Variants in TRAPPC9 observed in about 807,000 individuals in gnomAD.
TRAPPC9 encodes the protein IKK2 binding protein.
Under a neutral mutation model 124.0 loss-of-function variants are expected in TRAPPC9, and 83 were observed. The observed-to-expected ratio is 0.67, with a 90% confidence interval of 0.56 to 0.80. The LOEUF (loss-of-function observed/expected upper bound fraction) is 0.80, where lower values mean the gene tolerates loss of function less well. Among genes scored for constraint, TRAPPC9 ranks in the 30% least tolerant of loss-of-function variants. The pLI is 0.00. For synonymous variants in TRAPPC9, 638 were observed against 617.5 expected, an observed-to-expected ratio of 1.03 and a Z score of -0.49; for missense variants, 1,302 against 1,508.3, an observed-to-expected ratio of 0.86 and a Z score of 2.27.
intron 19 of TRAPPC9, among the ~76,000 whole-genome samples, chr8:139,937,614 G>A (rs755059693): frequency 6.6e-6 from 1 of 152,104 alleles, no homozygotes; most frequent in Admixed American, 6.5e-5. Flanking sequence ...AGAGACCAGC[G>A]TCGTCCACAC....
At chr8:140,211,993 C>T (rs1341703923) in intron 17 of TRAPPC9, among the ~76,000 whole-genome samples, 1 of 152,250 alleles carries the variant, frequency 6.6e-6, no homozygotes, top group African/African-American at 2.4e-5. Flanking sequence ...GGGTGTGCCA[C>T]TTGCGGAGGA....
chr8:140,026,409 A>C (rs2131939730), intron 17 of TRAPPC9, among the ~76,000 whole-genome samples: 1 of 152,286 alleles, frequency 6.6e-6, no homozygotes, highest in South Asian at 2.1e-4. Context: ...AGAAGCCACC[A>C]TATTGTTTCG....
chr8:140,045,161 G>A (rs1329328261), intron 17 of TRAPPC9, among the ~76,000 whole-genome samples: 1 of 152,166 alleles, frequency 6.6e-6, no homozygotes, highest in African/African-American at 2.4e-5. Flanking sequence ...GAGTCTGAAG[G>A]CCCAAGGTCA....
chr8:140,445,178 C>T (rs753435853), intron 2 of TRAPPC9, among the ~76,000 whole-genome samples: 18 of 152,210 alleles, frequency 1.2e-4, no homozygotes, highest in Non-Finnish European at 2.4e-4. Flanking sequence ...AACAGCCCAC[C>T]GGCTACTCTG....
At chr8:140,443,389 TC>T (rs1467096874) in intron 2 of TRAPPC9, among the ~76,000 whole-genome samples, 1 of 149,796 alleles carries the variant, frequency 6.7e-6, no homozygotes, top group African/African-American at 2.5e-5. Context: ...TGAGCCAAGA[TC>T]GCGCCACTGC....
chr8:140,436,014 A>C (rs1033706185), intron 3 of TRAPPC9, among the ~76,000 whole-genome samples: 11 of 152,230 alleles, frequency 7.2e-5, no homozygotes, highest in African/African-American at 2.4e-5. Context: ...ATTGGAAAAT[A>C]AAACTGAGAA....
At chr8:140,381,667 C>CAAAAAAAA (rs56659960) in intron 7 of TRAPPC9, among the ~76,000 whole-genome samples, 5 of 48,370 alleles carry the variant, frequency 1.0e-4, no homozygotes, top group African/African-American at 2.3e-4. Context: ...GACTCTGTCT[C>CAAAAAAAA]AAAAAAAAAA....
At chr8:140,033,130 C>T (rs141774677) in intron 17 of TRAPPC9, among the ~76,000 whole-genome samples, 40 of 152,184 alleles carry the variant, frequency 2.6e-4, no homozygotes, top group African/African-American at 8.7e-4. Flanking sequence ...ACCCCTTGTA[C>T]GAAATCATGT....
intron 7 of TRAPPC9, among the ~76,000 whole-genome samples, chr8:140,388,467 T>C (rs1165312132): frequency 6.6e-6 from 1 of 151,866 alleles, no homozygotes; most frequent in South Asian, 2.1e-4. Flanking sequence ...GCGGATCACC[T>C]GAAGTTGGGA....
chr8:140,008,568 C>A (rs1838910565), intron 18 of TRAPPC9: 1 of 152,422 alleles, frequency 6.6e-6, no homozygotes, highest in African/African-American at 2.4e-5. Flanking sequence ...AGCAGGGCGA[C>A]AGCTTGCTTG....
chr8:139,832,230 G>A (rs1018360706), intron 21 of TRAPPC9, among the ~76,000 whole-genome samples: 2 of 152,204 alleles, frequency 1.3e-5, no homozygotes, highest in African/African-American at 4.8e-5. Flanking sequence ...TAATCAATGA[G>A]CAAAACGGCC....
intron 4 of TRAPPC9, among the ~76,000 whole-genome samples, chr8:140,430,220 T>C (rs1301901781): frequency 1.3e-5 from 2 of 152,190 alleles, no homozygotes; most frequent in East Asian, 3.8e-4. Flanking sequence ...TGTATTTCCT[T>C]ACTAGTCTAA....
At chr8:140,404,109 G>A (rs2069384842) in intron 6 of TRAPPC9, among the ~76,000 whole-genome samples, 2 of 152,104 alleles carry the variant, frequency 1.3e-5, no homozygotes, top group African/African-American at 4.8e-5. Context: ...ATAATAATCA[G>A]TAACAGGATT....
intron 17 of TRAPPC9, among the ~76,000 whole-genome samples, chr8:140,219,234 C>T (rs1445186528): frequency 2.0e-5 from 3 of 152,190 alleles, no homozygotes; most frequent in Non-Finnish European, 2.9e-5. Flanking sequence ...GCACACTCGG[C>T]GATCATCGCG....
At chr8:139,868,370 A>G (rs972336890) in intron 21 of TRAPPC9, among the ~76,000 whole-genome samples, 1 of 152,146 alleles carries the variant, frequency 6.6e-6, no homozygotes, top group Admixed American at 6.5e-5. Context: ...ATAAATAAAT[A>G]AATAAAATGT....
intron 17 of TRAPPC9, among the ~76,000 whole-genome samples, chr8:140,208,072 C>T (rs1432853265): frequency 6.6e-6 from 1 of 151,862 alleles, no homozygotes; most frequent in Non-Finnish European, 1.5e-5. Flanking sequence ...ATCGCTTGAA[C>T]CCAGAAGGCA....
intron 21 of TRAPPC9, among the ~76,000 whole-genome samples, chr8:139,736,736 C>T (rs1445693542): frequency 6.6e-6 from 1 of 152,230 alleles, no homozygotes; most frequent in African/African-American, 2.4e-5. Context: ...GACCGCATGG[C>T]AGGGCTGTGC....
chr8:140,293,774 G>C (rs868512063), intron 11 of TRAPPC9, among the ~76,000 whole-genome samples: 2 of 152,220 alleles, frequency 1.3e-5, no homozygotes, highest in Middle Eastern at 3.4e-3. Context: ...TAAATGACAA[G>C]TTAATGGGTG....
chr8:140,191,723 C>A (rs1389889626), intron 17 of TRAPPC9, among the ~76,000 whole-genome samples: 1 of 152,174 alleles, frequency 6.6e-6, no homozygotes, highest in African/African-American at 2.4e-5. Context: ...TCAGGTATTT[C>A]TTTATCACAA....
Sources: allele counts gnomAD v4.1 joint callset (sites outside exome capture counted in the v4.1 genomes callset), GRCh38; gene constraint gnomAD v4.1.1; transcripts MANE v1.5; gene names NCBI Gene and HGNC (gene_info 2026-07-23, HGNC 2026-07-21).